The following OTOGL variants were observed in gnomAD, a reference collection of about 807,000 sequenced individuals.
OTOGL encodes otogelin-like protein.
Under a neutral mutation model 318.5 loss-of-function variants are expected in OTOGL, and 285 were observed. That is an observed-to-expected ratio of 0.89 (90% CI 0.81 to 0.99). The LOEUF (loss-of-function observed/expected upper bound fraction) is 0.99. Among genes scored for constraint, OTOGL ranks in the 50% least tolerant of loss-of-function variants. The pLI is 0.00. For synonymous variants in OTOGL, 987 were observed against 936.5 expected, an observed-to-expected ratio of 1.05 and a Z score of -0.99; for missense variants, 2,899 against 2,845.6, an observed-to-expected ratio of 1.02 and a Z score of -0.43.
chr12:80,129,690 A>G (rs1871117351), intron 1 of OTOGL, among the ~76,000 whole-genome samples: 1 of 151,842 alleles, frequency 6.6e-6, no homozygotes. Flanking sequence ...CTGCCTACTC[A>G]TTCTTAATTT....
chr12:80,372,641 A>C (rs1432846499), intron 57 of OTOGL, among the ~76,000 whole-genome samples: 2 of 152,048 alleles, frequency 1.3e-5, no homozygotes, highest in South Asian at 4.1e-4. Context: ...AGCTATCTGA[A>C]TGCAATATAT....
chr12:80,239,089 A>G, intron 10 of OTOGL, 111 bp downstream of exon 10: 1 of 1,260,838 alleles, frequency 7.9e-7, no homozygotes, highest in South Asian at 1.9e-5. Flanking sequence ...TAAAAATATT[A>G]TATCCAGGAA....
rs763379318 is a variant in OTOGL, at chr12:80,233,011, A to G, written c.731A>G (p.Lys244Arg). The change falls in exon 9 of 59, where the codon AAG becomes AGG. Residue 244 changes from lysine (K) to arginine (R), a missense_variant. Around this residue, in one of 3 missense-constraint regions of OTOGL, gnomAD observed 2,607 missense variants for 2,524.9 expected, o/e 1.03. Coordinates refer to ENST00000547103, the MANE Select transcript of OTOGL (RefSeq NM_001378609.3). ...AWDGISGIYL[K>R]LSEDHKGKSC... ...GACGGGATATCTGGGATCTACCTCA[A>G]GCTGTCTGAGGACCATAAGGGGAAA... 1 of 1,598,654 alleles carries G rather than the reference A, an allele frequency of 6.3e-7. No homozygotes were observed.
chr12:80,313,339 A>T, intron 30 of OTOGL, 137 bp from the exon 31 acceptor site: 1 of 739,728 alleles, frequency 1.4e-6, no homozygotes, highest in Non-Finnish European at 2.2e-6. Context: ...AAGAGGCTTT[A>T]AATAAAGAGA....
At chr12:80,358,393 T>TA in intron 50 of OTOGL, 44 bp downstream of exon 50, 1 of 1,436,112 alleles carries the variant, frequency 7.0e-7, no homozygotes. Context: ...ATGTGTCCAA[T>TA]GTTTAAGAAG....
At chr12:80,349,161 C>T (rs971001222) in intron 44 of OTOGL, among the ~76,000 whole-genome samples, 1 of 151,810 alleles carries the variant, frequency 6.6e-6, no homozygotes, top group African/African-American at 2.4e-5. Flanking sequence ...CGAGCAGAAA[C>T]TCTGGAGTGT....
intron 7 of OTOGL, among the ~76,000 whole-genome samples, chr12:80,228,748 T>A (rs1195846818): frequency 1.4e-4 from 21 of 152,124 alleles, no homozygotes; most frequent in Admixed American, 1.4e-3. Flanking sequence ...ATTTTCCTAT[T>A]AATTTTTTGA....
intron 11 of OTOGL, 65 bp from the exon 12 acceptor site, chr12:80,251,628 C>A: frequency 3.1e-6 from 4 of 1,288,760 alleles, no homozygotes; most frequent in Non-Finnish European, 4.4e-6. Context: ...GGGATCAGGA[C>A]CTCAATGGTA....
chr12:80,373,356 C>G (rs377347465), intron 57 of OTOGL, among the ~76,000 whole-genome samples: 1 of 152,008 alleles, frequency 6.6e-6, no homozygotes, highest in African/African-American at 2.4e-5. Flanking sequence ...CACTTGAACC[C>G]GAGAGGCGGA....
intron 1 of OTOGL, chr12:80,132,373 A>G (rs1176043711): frequency 6.6e-6 from 1 of 152,244 alleles, no homozygotes; most frequent in African/African-American, 2.4e-5. Flanking sequence ...AAATATAAAA[A>G]TATGTGTGGA....
chr12:80,169,654 C>T (rs538094025), intron 1 of OTOGL, among the ~76,000 whole-genome samples: 2 of 152,270 alleles, frequency 1.3e-5, no homozygotes, highest in East Asian at 3.9e-4. Context: ...CAAATCTTTC[C>T]TTTTGATGTT....
chr12:80,344,356 T>C (rs1265161095), intron 44 of OTOGL, among the ~76,000 whole-genome samples: 2 of 152,170 alleles, frequency 1.3e-5, no homozygotes, highest in Admixed American at 1.3e-4. Context: ...CTGTGATAGC[T>C]TCCACTTTTC....
chr12:80,255,279 A>G (rs1210225466), intron 16 of OTOGL, 94 bp downstream of exon 16: 2 of 1,184,016 alleles, frequency 1.7e-6, no homozygotes, highest in East Asian at 3.0e-5. Context: ...GAGTGGATAT[A>G]GCTATTTTCC....
At chr12:80,202,678 G>T (rs577891270) in intron 1 of OTOGL, among the ~76,000 whole-genome samples, 3 of 152,128 alleles carry the variant, frequency 2.0e-5, no homozygotes, top group East Asian at 3.9e-4. Flanking sequence ...TGGATGATTT[G>T]GGAACCTTGG....
chr12:80,312,879 T>C (rs533236677), intron 30 of OTOGL, among the ~76,000 whole-genome samples: 2 of 152,270 alleles, frequency 1.3e-5, no homozygotes, highest in East Asian at 3.9e-4. Flanking sequence ...TGGTGCGATC[T>C]CAGCTCACTG....
At chr12:80,348,528 C>T (rs1438425475) in intron 44 of OTOGL, among the ~76,000 whole-genome samples, 1 of 151,822 alleles carries the variant, frequency 6.6e-6, no homozygotes, top group African/African-American at 2.4e-5. Flanking sequence ...CTGTAGTCTT[C>T]TACCACTGAG....
intron 24 of OTOGL, among the ~76,000 whole-genome samples, chr12:80,272,297 G>A (rs1264115110): frequency 4.0e-5 from 6 of 151,686 alleles, no homozygotes; most frequent in Admixed American, 6.6e-5. Flanking sequence ...TGTTAGTGGA[G>A]TGATTTTTCT....
chr12:80,320,304 AC>A, intron 33 of OTOGL, 117 bp from the exon 34 acceptor site: 1 of 895,916 alleles, frequency 1.1e-6, no homozygotes, highest in Non-Finnish European at 1.6e-6. Context: ...AGTTATTGGC[AC>A]TAATTATGTT....
At chr12:80,201,353 C>T (rs1876440080) in intron 1 of OTOGL, among the ~76,000 whole-genome samples, 1 of 151,998 alleles carries the variant, frequency 6.6e-6, no homozygotes, top group African/African-American at 2.4e-5. Context: ...CAGGAAGCTT[C>T]CAATCATGGT....
Sources: allele counts gnomAD v4.1 joint callset (sites outside exome capture counted in the v4.1 genomes callset), GRCh38; gene constraint gnomAD v4.1.1; regional missense constraint gnomAD v4.1.1; transcripts MANE v1.5; gene names NCBI Gene and HGNC (gene_info 2026-07-23, HGNC 2026-07-21).